The following TOX3 variants were observed in gnomAD, a reference collection of about 807,000 sequenced individuals.
TOX3 encodes CAG trinucleotide repeat-containing gene F9 protein.
In TOX3, 22 loss-of-function variants were observed where a neutral mutation model predicts 64.3. That is an observed-to-expected ratio of 0.34 (90% CI 0.24 to 0.49). The LOEUF is 0.49. Ranked by LOEUF, TOX3 falls within the 20% of genes least tolerant of loss-of-function variation. The pLI is 0.99. For missense variants in TOX3, 661 were observed against 714.4 expected (o/e 0.93, Z 0.85); for synonymous variants, 291 against 273.6 (o/e 1.06, Z -0.63).
chr16:52,468,957 G>GT (rs1358973540), intron 1 of TOX3, among the ~76,000 whole-genome samples: 1 of 152,140 alleles, frequency 6.6e-6, no homozygotes, highest in Non-Finnish European at 1.5e-5. Flanking sequence ...TTATAGCTTA[G>GT]TTTTCAAGAA....
chr16:52,501,301 TAC>T (rs1260331349), intron 1 of TOX3, among the ~76,000 whole-genome samples: 2 of 152,236 alleles, frequency 1.3e-5, no homozygotes. Context: ...ATAAACTATA[TAC>T]ACAGTTACCA....
chr16:52,456,522 G>A (rs1199748097), intron 3 of TOX3, among the ~76,000 whole-genome samples: 1 of 152,186 alleles, frequency 6.6e-6, no homozygotes, highest in African/African-American at 2.4e-5. Context: ...GGGTAGGGGA[G>A]TGCCTGGCGG....
intron 1 of TOX3, among the ~76,000 whole-genome samples, chr16:52,505,359 T>A (rs1962132258): frequency 6.6e-6 from 1 of 152,220 alleles, no homozygotes; most frequent in African/African-American, 2.4e-5. Flanking sequence ...ATAAAAATAA[T>A]CATCTGGTTA....
At chr16:52,476,684 C>G (rs976029293) in intron 1 of TOX3, among the ~76,000 whole-genome samples, 1 of 152,070 alleles carries the variant, frequency 6.6e-6, no homozygotes, top group Non-Finnish European at 1.5e-5. Flanking sequence ...GTGTTAATTC[C>G]AGTTTGTCTC....
intron 1 of TOX3, among the ~76,000 whole-genome samples, chr16:52,538,127 A>T (rs1329425057): frequency 6.6e-6 from 1 of 152,184 alleles, no homozygotes; most frequent in East Asian, 1.9e-4. Context: ...TTTTTAAATA[A>T]GTCAAATAAT....
Position 52,444,349 on chromosome 16 carries a change from T to C in TOX3, c.914A>G (p.Lys305Arg). 6.3e-7 allele frequency: 1 copy of C among 1,576,448 alleles called. No individual in the cohort carries two copies. Among genetic ancestry groups the C allele is most frequent in the Admixed American group, 1.8e-5 (1 of 55,710 alleles). Residue 305 changes from lysine to arginine, a missense_variant, in exon 6 of 7, where the codon AAA becomes AGA. Lys to Arg is a conservative substitution (Grantham distance 26, BLOSUM62 2). Transcript: ENST00000219746. ...TTTTTTGGCAGCTTCTGTTTTCCTT[T>C]TATATACCTATTAAAAGACCACAAT... ...SLGEEQKQVY[K>R]RKTEAAKKEY...
At chr16:52,475,950 T>TA (rs973491146) in intron 1 of TOX3, among the ~76,000 whole-genome samples, 1 of 152,212 alleles carries the variant, frequency 6.6e-6, no homozygotes, top group African/African-American at 2.4e-5. Flanking sequence ...TGAGAACGAC[T>TA]AGCCTAGTTC....
intron 1 of TOX3, among the ~76,000 whole-genome samples, chr16:52,516,568 C>T (rs1962463655): frequency 6.6e-6 from 1 of 152,074 alleles, no homozygotes. Context: ...CCTTATTCTA[C>T]TGATAATGAC....
chr16:52,449,711 T>G (rs1250480222), intron 4 of TOX3, among the ~76,000 whole-genome samples: 1 of 152,272 alleles, frequency 6.6e-6, no homozygotes, highest in Non-Finnish European at 1.5e-5. Flanking sequence ...GTACTCTTTT[T>G]CATCATTCTA....
At chr16:52,493,136 C>T (rs536775499) in intron 1 of TOX3, among the ~76,000 whole-genome samples, 1 of 152,240 alleles carries the variant, frequency 6.6e-6, no homozygotes, top group Non-Finnish European at 1.5e-5. Flanking sequence ...CACCTGGAAT[C>T]GGTGACTTAT....
chr16:52,539,871 G>C (rs1381237704), intron 1 of TOX3, among the ~76,000 whole-genome samples: 3 of 151,986 alleles, frequency 2.0e-5, no homozygotes, highest in African/African-American at 7.3e-5. Context: ...TCCTCTTTCT[G>C]CCTTCCAGTC....
intron 1 of TOX3, among the ~76,000 whole-genome samples, chr16:52,488,750 T>G (rs2151455460): frequency 6.6e-6 from 1 of 152,316 alleles, no homozygotes; most frequent in East Asian, 1.9e-4. Flanking sequence ...TGAGCTCTCA[T>G]TATGGAATAG....
chr16:52,447,644 C>T (rs1383080116), intron 4 of TOX3, among the ~76,000 whole-genome samples: 3 of 152,150 alleles, frequency 2.0e-5, no homozygotes, highest in African/African-American at 7.2e-5. Flanking sequence ...TTTCATAACT[C>T]ACACAATTGA....
At chr16:52,455,645 C>A (rs1340664965) in intron 3 of TOX3, among the ~76,000 whole-genome samples, 1 of 151,930 alleles carries the variant, frequency 6.6e-6, no homozygotes, top group Admixed American at 6.6e-5. Context: ...TTGATTGGGT[C>A]AATAGGAAAG....
chr16:52,440,579 C>G lies in TOX3; in HGVS notation c.988-611G>C, dbSNP rs78203129. 8.2e-3 allele frequency among the ~76,000 whole-genome samples: 1,254 copies of G among 152,188 alleles called. 15 individuals carry two copies. Among genetic ancestry groups the G allele is most frequent in the African/African-American group, 0.028 (1,175 of 41,510 alleles). On this transcript the variant is annotated intron_variant, in intron 6 of 6. Transcript: ENST00000219746. ...CAATTCTTCTGCATTTAAGTCTGTACTAACGACTTTACCATTGAGTACCAT... is the reference window on the plus strand; with the variant it reads ...CAATTCTTCTGCATTTAAGTCTGTAGTAACGACTTTACCATTGAGTACCAT...
intron 1 of TOX3, among the ~76,000 whole-genome samples, chr16:52,530,474 T>C (rs1368232375): frequency 1.3e-5 from 2 of 151,950 alleles, no homozygotes; most frequent in East Asian, 3.9e-4. Context: ...GTAGCTGGGA[T>C]TACAGGTGCC....
intron 1 of TOX3, among the ~76,000 whole-genome samples, chr16:52,473,161 A>C (rs1254983767): frequency 6.6e-6 from 1 of 152,182 alleles, no homozygotes; most frequent in African/African-American, 2.4e-5. Flanking sequence ...TAGCTAGTCC[A>C]GCAAAGCGGC....
chr16:52,491,209 T>C (rs1961675947), intron 1 of TOX3, among the ~76,000 whole-genome samples: 1 of 152,128 alleles, frequency 6.6e-6, no homozygotes, highest in Non-Finnish European at 1.5e-5. Flanking sequence ...TCTACTCTCA[T>C]AATCCTTCTC....
At chr16:52,507,946 A>T (rs1962205046) in intron 1 of TOX3, among the ~76,000 whole-genome samples, 1 of 152,238 alleles carries the variant, frequency 6.6e-6, no homozygotes, top group Non-Finnish European at 1.5e-5. Flanking sequence ...CTATATTACA[A>T]TTTAAGCTGT....
Sources: gnomAD v4.1 joint callset for allele counts (sites outside exome capture counted in the v4.1 genomes callset) on GRCh38, gnomAD v4.1.1 for gene constraint, MANE v1.5 for transcripts, NCBI Gene and HGNC (gene_info 2026-07-23, HGNC 2026-07-21) for gene names.